Variants in SYNE2 observed in about 807,000 individuals in gnomAD.
The protein encoded by SYNE2 is nesprin-2.
A neutral mutation model predicts 856.3 loss-of-function variants in SYNE2; 431 were observed. That is an observed-to-expected ratio of 0.50 (90% confidence interval 0.47 to 0.55). SYNE2 has a LOEUF of 0.55. Ranked by LOEUF, SYNE2 falls within the 20% of genes least tolerant of loss-of-function variation. The pLI is 0.00. For synonymous variants in SYNE2, 2,923 were observed against 2,872.3 expected, an observed-to-expected ratio of 1.02 and a Z score of -0.56; for missense variants, 8,129 against 8,023.2, an observed-to-expected ratio of 1.01 and a Z score of -0.50.
At position 64,125,140 on chromosome 14, in the gene SYNE2, C is replaced by G. The variant is rs2097929888; in HGVS notation, c.13484C>G (p.Thr4495Ser). The change falls in exon 71 of 116, where the codon ACT (threonine) becomes AGT (serine). Residue 4495 changes from threonine to serine, a missense_variant. Physicochemically the swap from Thr to Ser is moderately conservative, Grantham distance 58. Transcript: ENST00000555002. ...VTMYNFRYPT[T>S]EELKTYTTQL... ...ATGTATAACTTTAGATACCCAACAA[C>G]TGAAGAACTGAAAACCTATACCACC... The G allele has an allele frequency of 1.2e-6, 2 of 1,614,096 alleles. No individual in the cohort carries two copies. The highest frequency in any genetic ancestry group is 1.7e-6 in the Non-Finnish European group (2 of 1,180,054).
intron 1 of SYNE2, among the ~76,000 whole-genome samples, chr14:63,763,136 T>G (rs963745247): frequency 5.3e-5 from 8 of 151,954 alleles, no homozygotes; most frequent in African/African-American, 1.9e-4. Context: ...CCTGGCTAAT[T>G]TTTGCATTTT....
chr14:64,101,689 C>T (rs1323748070), intron 63 of SYNE2, among the ~76,000 whole-genome samples: 2 of 152,108 alleles, frequency 1.3e-5, no homozygotes, highest in Admixed American at 6.5e-5. Flanking sequence ...CGTTGTGTGA[C>T]GTGAGCCGAG....
At chr14:63,914,701 G>A (rs1184722769) in intron 2 of SYNE2, among the ~76,000 whole-genome samples, 1 of 152,210 alleles carries the variant, frequency 6.6e-6, no homozygotes, top group Non-Finnish European at 1.5e-5. Flanking sequence ...AAGGCTCCAA[G>A]GTTTTGAAGT....
rs8022302 is a variant in SYNE2 at position 64,122,507 on chromosome 14, T to G, written c.13422+80T>G. On this transcript the variant is annotated intron_variant, in intron 70 of 115. Transcript: ENST00000555002. Reference sequence around the variant, plus strand: ...AGCATTCATTAAATAAACATGTATATTCTCCAGAAAGCAAAGTTGCCAAGT... The same window carrying G: ...AGCATTCATTAAATAAACATGTATAGTCTCCAGAAAGCAAAGTTGCCAAGT... 11,526 of 1,592,700 alleles carry G rather than the reference T, an allele frequency of 7.2e-3. 683 individuals are homozygous for G. The African/African-American group carries it at 0.13, about 19-fold the overall frequency.
At position 64,226,175 on chromosome 14, in the gene SYNE2, T is replaced by C. The variant is rs907591420; in HGVS notation, c.*649T>C. On this transcript the variant is annotated 3_prime_UTR_variant, in exon 116 of 116. Coordinates refer to ENST00000555002, the MANE Select transcript of SYNE2 (RefSeq NM_182914.3). ...CCCAATCTGTATGAATAATGTAAAC[T>C]TCGATTTTTTTTTAAAAAAATTAGA... The C allele has an allele frequency of 6.5e-6, 1 of 152,752 alleles. No individual in the cohort carries two copies. Among genetic ancestry groups the C allele is most frequent in the African/African-American group, 2.4e-5 (1 of 41,460 alleles). 9.5% of individuals were successfully genotyped at this position (152,752 alleles called of 1,614,324 possible). A position where few individuals can be genotyped will look rare whatever the true frequency, so the allele number is the denominator to read the frequency against.
chr14:64,144,826 C>T (rs1170049078), intron 83 of SYNE2, among the ~76,000 whole-genome samples: 3 of 151,590 alleles, frequency 2.0e-5, no homozygotes, highest in Non-Finnish European at 1.5e-5. Flanking sequence ...AATTCAGCAT[C>T]GTTTACAGCT....
chr14:64,011,079 A>C (rs1432534385), intron 32 of SYNE2, among the ~76,000 whole-genome samples: 1 of 152,210 alleles, frequency 6.6e-6, no homozygotes, highest in Non-Finnish European at 1.5e-5. Context: ...GCATCAGTGA[A>C]AGCTTAAATA....
rs547363322 is a variant in SYNE2, at chr14:64,202,387, C to T, written c.18039-414C>T. On this transcript the variant is annotated intron_variant, in intron 99 of 115. Coordinates refer to ENST00000555002, the MANE Select transcript of SYNE2 (RefSeq NM_182914.3). ...TCTTTAATCTCCCAGGGTAGATCAC[C>T]GGCTGCTGCAGTCTCAGGCATACCC... 177 of 668,442 alleles carry T rather than the reference C, an allele frequency of 2.6e-4. 1 individual carries two copies. The Middle Eastern group carries it at 6.0e-3, about 23-fold the overall frequency. The allele number at this position is 668,442 out of a possible 1,614,324, so 41.4% of individuals were successfully genotyped here.
chr14:63,780,164 CA>C (rs753030804), intron 1 of SYNE2, among the ~76,000 whole-genome samples: 6 of 151,948 alleles, frequency 3.9e-5, no homozygotes, highest in Non-Finnish European at 5.9e-5. Flanking sequence ...ATAAATCTCA[CA>C]AAAGCTGTGT....
chr14:63,791,718 A>G (rs1322531061), intron 1 of SYNE2, among the ~76,000 whole-genome samples: 1 of 151,964 alleles, frequency 6.6e-6, no homozygotes, highest in Admixed American at 6.6e-5. Context: ...CTGAGGTGGG[A>G]GGATCATGAG....
At chr14:64,092,745 A>G (rs371366386) in intron 60 of SYNE2, among the ~76,000 whole-genome samples, 29 of 152,336 alleles carry the variant, frequency 1.9e-4, no homozygotes, top group African/African-American at 6.7e-4. Context: ...CTGCTCCCCT[A>G]GCACTAGATG....
intron 60 of SYNE2, among the ~76,000 whole-genome samples, chr14:64,091,678 A>G (rs72720319): frequency 0.091 from 13,829 of 152,200 alleles, 827 homozygotes; most frequent in African/African-American, 0.17. Context: ...GGGTTTTGTT[A>G]AATCACTACT....
chr14:64,131,701 C>T (rs1443535223), intron 76 of SYNE2, among the ~76,000 whole-genome samples: 1 of 152,152 alleles, frequency 6.6e-6, no homozygotes, highest in African/African-American at 2.4e-5. Context: ...CTCACTTCAG[C>T]CTCCTGAGTA....
intron 45 of SYNE2, among the ~76,000 whole-genome samples, chr14:64,041,358 G>A (rs1478309163): frequency 1.3e-5 from 2 of 152,060 alleles, no homozygotes; most frequent in Non-Finnish European, 2.9e-5. Context: ...GTATGCTTTT[G>A]TTCAACAAAA....
At chr14:63,839,656 T>C (rs769034908) in intron 1 of SYNE2, among the ~76,000 whole-genome samples, 1 of 151,934 alleles carries the variant, frequency 6.6e-6, no homozygotes, top group Non-Finnish European at 1.5e-5. Context: ...GATCACACAA[T>C]TGCACTCTGG....
intron 2 of SYNE2, among the ~76,000 whole-genome samples, chr14:63,933,448 C>T (rs944645179): frequency 6.6e-5 from 10 of 152,108 alleles, no homozygotes; most frequent in Admixed American, 3.9e-4. Flanking sequence ...ATGAGTTGCC[C>T]GCTCACAAAA....
At chr14:63,832,849 C>T (rs1219161579) in intron 1 of SYNE2, among the ~76,000 whole-genome samples, 16 of 120,868 alleles carry the variant, frequency 1.3e-4, no homozygotes, top group Non-Finnish European at 6.5e-5. Context: ...GGCAACATGG[C>T]GAGAACCTGT....
rs1310970853 is a variant in SYNE2 at position 64,162,126 on chromosome 14, G to C, written c.16149G>C (p.Leu5383=). Residue 5383 remains leucine (L), a synonymous_variant, in exon 88 of 116, where the codon CTG becomes CTC. Coordinates refer to ENST00000555002, the MANE Select transcript of SYNE2 (RefSeq NM_182914.3). ...ACCAGTTGCAGAAGGCCCAGAGTCT[G>C]CTCCAGCTCTGGAAGGCCTATAGCA... ...IADQLQKAQS[L]LQLWKAYSNA... The C allele has an allele frequency of 6.8e-6, 11 of 1,614,240 alleles. No individual in the cohort carries two copies. Among genetic ancestry groups the C allele is most frequent in the Non-Finnish European group, 9.3e-6 (11 of 1,180,038 alleles).
chr14:64,017,796 A>G, intron 34 of SYNE2, 40 bp downstream of exon 34: 1 of 1,600,542 alleles, frequency 6.2e-7, no homozygotes, highest in South Asian at 1.1e-5. Flanking sequence ...CTTGGTACAC[A>G]ATTGACATTT....
Sources: allele counts gnomAD v4.1 joint callset (sites outside exome capture counted in the v4.1 genomes callset), GRCh38; gene constraint gnomAD v4.1.1; transcripts MANE v1.5; gene names NCBI Gene and HGNC (gene_info 2026-07-23, HGNC 2026-07-21).